The following RGSL1 variants were observed in gnomAD, a reference collection of about 807,000 sequenced individuals.
The protein encoded by RGSL1 is regulator of G protein signaling like 1, also known as regulator of G protein signaling protein-like.
RGSL1 carries 97 observed loss-of-function variants against 124.7 expected under a neutral mutation model. That is an observed-to-expected ratio of 0.78 (90% CI 0.66 to 0.92). The LOEUF (loss-of-function observed/expected upper bound fraction) is 0.92. RGSL1 is among the 40% of genes least tolerant of loss of function. The pLI is 0.00. For synonymous variants in RGSL1, 424 were observed against 438.1 expected (o/e 0.97, Z 0.40); for missense variants, 1,233 against 1,288.4 (o/e 0.96, Z 0.66).
intron 11 of RGSL1, among the ~76,000 whole-genome samples, chr1:182,528,122 AAG>A (rs1658890483): frequency 6.6e-6 from 1 of 152,162 alleles, no homozygotes; most frequent in African/African-American, 2.4e-5. Context: ...ATGGAGCAGC[AAG>A]AGAGAGAATG....
chr1:182,548,600 C>T lies in RGSL1; in HGVS notation c.2809-100C>T, dbSNP rs528141897. On this transcript the variant is annotated intron_variant, in intron 16 of 21. Coordinates refer to ENST00000294854, the MANE Select transcript of RGSL1 (RefSeq NM_001137669.2). ...TAGCAACTCCATGAAAACCGTATGC[C>T]TTTTGGAGAGGGGGTGGTCATGGGG... 32 of 1,519,534 alleles carry T rather than the reference C, an allele frequency of 2.1e-5. No homozygotes were observed. The African/African-American group carries it at 3.7e-4, about 18-fold the overall frequency. The allele number at this position is 1,519,534 out of a possible 1,614,324, so 94.1% of individuals were successfully genotyped here. A position where few individuals can be genotyped will look rare whatever the true frequency, so the allele number is the denominator to read the frequency against.
intron 5 of RGSL1, among the ~76,000 whole-genome samples, chr1:182,472,881 G>T (rs1041905193): frequency 6.6e-6 from 1 of 152,082 alleles, no homozygotes; most frequent in Non-Finnish European, 1.5e-5. Flanking sequence ...TTTTAATTGG[G>T]ATTCTCTAGA....
intron 9 of RGSL1, among the ~76,000 whole-genome samples, chr1:182,517,254 A>T (rs1657965906): frequency 6.8e-6 from 1 of 146,432 alleles, no homozygotes; most frequent in South Asian, 2.1e-4. Flanking sequence ...GAGGTCCTTT[A>T]TATGCTATTA....
At chr1:182,472,797 C>T (rs12033952) in intron 5 of RGSL1, among the ~76,000 whole-genome samples, 1 of 152,010 alleles carries the variant, frequency 6.6e-6, no homozygotes, top group South Asian at 2.1e-4. Context: ...CTGGAAGGAG[C>T]GGGGAGGAAT....
chr1:182,535,391 A>G (rs1659466085), intron 14 of RGSL1, among the ~76,000 whole-genome samples: 2 of 152,280 alleles, frequency 1.3e-5, no homozygotes, highest in African/African-American at 4.8e-5. Context: ...GGTATCTGAG[A>G]AAACAGAAGC....
At chr1:182,484,651 A>G (rs895049135) in intron 6 of RGSL1, among the ~76,000 whole-genome samples, 4 of 152,300 alleles carry the variant, frequency 2.6e-5, no homozygotes, top group Admixed American at 1.3e-4. Flanking sequence ...GCAGTGTGCC[A>G]TTTCAGTTCA....
At chr1:182,465,271 A>G (rs1051297599) in intron 4 of RGSL1, among the ~76,000 whole-genome samples, 18 of 152,176 alleles carry the variant, frequency 1.2e-4, no homozygotes, top group Admixed American at 4.6e-4. Flanking sequence ...GTAGAATGGA[A>G]TACTATGCAG....
chr1:182,523,549 C>T (rs575154367), intron 10 of RGSL1, among the ~76,000 whole-genome samples: 1 of 152,194 alleles, frequency 6.6e-6, no homozygotes, highest in South Asian at 2.1e-4. Context: ...GCATGAATAC[C>T]ACAGAAGTCT....
chr1:182,519,014 G>T (rs1391237976), intron 9 of RGSL1, among the ~76,000 whole-genome samples: 1 of 151,124 alleles, frequency 6.6e-6, no homozygotes, highest in East Asian at 1.9e-4. Context: ...TTAAAATGGG[G>T]GGGGGTAGGT....
chr1:182,472,945 C>T (rs899505684), intron 5 of RGSL1, among the ~76,000 whole-genome samples: 8 of 152,102 alleles, frequency 5.3e-5, no homozygotes, highest in African/African-American at 9.7e-5. Context: ...GAGCTAAGAC[C>T]GTTTTTACAT....
At chr1:182,508,300 T>TTG (rs1553266243) in intron 9 of RGSL1, among the ~76,000 whole-genome samples, 4 of 137,626 alleles carry the variant, frequency 2.9e-5, no homozygotes, top group Non-Finnish European at 6.2e-5. Context: ...GTTTTTTTTT[T>TTG]TTTTTTTTTT....
chr1:182,470,314 T>C (rs1245008546), intron 4 of RGSL1, among the ~76,000 whole-genome samples: 2 of 152,074 alleles, frequency 1.3e-5, no homozygotes, highest in Non-Finnish European at 2.9e-5. Flanking sequence ...ACCCCTACAG[T>C]GACCTTCAAG....
At chr1:182,494,568 G>C (rs1408608808) in intron 9 of RGSL1, among the ~76,000 whole-genome samples, 1 of 152,100 alleles carries the variant, frequency 6.6e-6, no homozygotes, top group African/African-American at 2.4e-5. Flanking sequence ...GACAGCACTG[G>C]TCTAGACCTA....
intron 10 of RGSL1, among the ~76,000 whole-genome samples, chr1:182,526,524 ATT>A (rs1658757170): frequency 2.0e-5 from 3 of 151,816 alleles, no homozygotes; most frequent in Non-Finnish European, 2.9e-5. Flanking sequence ...CACAAACATT[ATT>A]AGCAGGGCAT....
Position 182,490,490 on chromosome 1 carries a change from C to T in RGSL1, c.1717+1288C>T, listed in dbSNP as rs967478988. On this transcript the variant is annotated intron_variant, in intron 8 of 21. Coordinates refer to ENST00000294854, the MANE Select transcript of RGSL1 (RefSeq NM_001137669.2). ...CAAGATGCCCTGGATGCCTGTCTGT[C>T]AGAGCCATGTTTGGGCATAAGTTAT... 2.6e-5 allele frequency among the ~76,000 whole-genome samples: 4 copies of T among 152,338 alleles called. No individual in the cohort carries two copies. The South Asian group carries it at 6.2e-4, about 24-fold the overall frequency.
chr1:182,499,980 G>T (rs1350675664), intron 9 of RGSL1, among the ~76,000 whole-genome samples: 1 of 152,080 alleles, frequency 6.6e-6, no homozygotes, highest in Non-Finnish European at 1.5e-5. Context: ...TCACTATGTT[G>T]ATAATGTTCT....
At chr1:182,485,116 C>G (rs75437798) in intron 6 of RGSL1, among the ~76,000 whole-genome samples, 1,864 of 152,146 alleles carry the variant, frequency 0.012, 89 homozygotes, top group South Asian at 0.079. Flanking sequence ...GCAGGGGACC[C>G]CAGTGGTGAG....
intron 9 of RGSL1, among the ~76,000 whole-genome samples, chr1:182,495,442 T>A (rs1655841114): frequency 6.6e-6 from 1 of 152,216 alleles, no homozygotes; most frequent in African/African-American, 2.4e-5. Flanking sequence ...TCCATCCACA[T>A]GTGTATATTC....
At chr1:182,456,430 G>A (rs996655925) in intron 2 of RGSL1, among the ~76,000 whole-genome samples, 1 of 151,970 alleles carries the variant, frequency 6.6e-6, no homozygotes, top group African/African-American at 2.4e-5. Flanking sequence ...CCAAGTAGCT[G>A]GGACTACAGG....
Sources: gnomAD v4.1 joint callset for allele counts (sites outside exome capture counted in the v4.1 genomes callset) on GRCh38, gnomAD v4.1.1 for gene constraint, MANE v1.5 for transcripts, NCBI Gene and HGNC (gene_info 2026-07-23, HGNC 2026-07-21) for gene names.